The following ATP9B variants were observed in gnomAD, a reference collection of about 807,000 sequenced individuals.
ATP9B encodes the protein probable phospholipid-transporting ATPase IIB.
A neutral mutation model predicts 146.1 loss-of-function variants in ATP9B; 110 were observed. That is an observed-to-expected ratio of 0.75 (90% CI 0.65 to 0.88). ATP9B has a LOEUF of 0.88. ATP9B is among the 40% of genes least tolerant of loss of function. The probability of loss-of-function intolerance (pLI) is 0.00; values close to 1 mark genes in which losing one functional copy is unlikely to be tolerated. For synonymous variants in ATP9B, 604 were observed against 569.7 expected (o/e 1.06, Z -0.86); for missense variants, 1,499 against 1,496.4 (o/e 1.00, Z -0.03).
intron 8 of ATP9B, among the ~76,000 whole-genome samples, chr18:79,192,438 C>A (rs549669125): frequency 6.6e-6 from 1 of 152,290 alleles, no homozygotes; most frequent in Admixed American, 6.5e-5. Context: ...TGATTTATGA[C>A]AGCAAAAGCA....
intron 11 of ATP9B, among the ~76,000 whole-genome samples, chr18:79,221,725 C>CA (rs1471409753): frequency 1.3e-5 from 2 of 151,888 alleles, no homozygotes; most frequent in Non-Finnish European, 2.9e-5. Flanking sequence ...TGTCTCAGAA[C>CA]AAACAAACAA....
At chr18:79,344,375 A>C in intron 21 of ATP9B, 21 bp downstream of exon 21, 2 of 1,604,786 alleles carry the variant, frequency 1.2e-6, no homozygotes, top group Non-Finnish European at 1.7e-6. Flanking sequence ...ACCCTGAGTG[A>C]GTACATGTCT....
intron 11 of ATP9B, among the ~76,000 whole-genome samples, chr18:79,247,182 T>TATTG (rs2095976221): frequency 6.6e-6 from 1 of 152,242 alleles, no homozygotes; most frequent in Non-Finnish European, 1.5e-5. Flanking sequence ...ACCTTTCATA[T>TATTG]ATTGATTTAC....
chr18:79,199,562 A>G (rs2095447008), intron 9 of ATP9B, among the ~76,000 whole-genome samples: 1 of 151,956 alleles, frequency 6.6e-6, no homozygotes, highest in Non-Finnish European at 1.5e-5. Context: ...GAGATTGAGG[A>G]GACCATCCTG....
At chr18:79,154,707 G>A in intron 7 of ATP9B, 152 bp downstream of exon 7, 2 of 470,106 alleles carry the variant, frequency 4.3e-6, no homozygotes, top group Admixed American at 4.0e-5. Flanking sequence ...TACTTTGAAT[G>A]TAAACACATG....
chr18:79,104,635 G>A (rs920636871), intron 2 of ATP9B, among the ~76,000 whole-genome samples: 2 of 152,014 alleles, frequency 1.3e-5, no homozygotes, highest in Non-Finnish European at 2.9e-5. Flanking sequence ...TTTTCTTAAG[G>A]AAAATATTAA....
chr18:79,230,822 G>C (rs1195101102), intron 11 of ATP9B, among the ~76,000 whole-genome samples: 2 of 152,166 alleles, frequency 1.3e-5, no homozygotes, highest in Middle Eastern at 6.8e-3. Context: ...CAGGCATATA[G>C]ACCAATGGAA....
chr18:79,271,690 A>G (rs1275559791), intron 12 of ATP9B, among the ~76,000 whole-genome samples: 1 of 152,200 alleles, frequency 6.6e-6, no homozygotes, highest in Non-Finnish European at 1.5e-5. Context: ...ATAGTGCCGC[A>G]ATAAACATAC....
intron 11 of ATP9B, among the ~76,000 whole-genome samples, chr18:79,244,702 A>G (rs1030256062): frequency 1.3e-5 from 2 of 152,228 alleles, no homozygotes; most frequent in African/African-American, 4.8e-5. Context: ...TTTAAAATAA[A>G]GACTTGCTAC....
At chr18:79,235,425 T>C (rs1451651758) in intron 11 of ATP9B, among the ~76,000 whole-genome samples, 1 of 152,234 alleles carries the variant, frequency 6.6e-6, no homozygotes, top group Non-Finnish European at 1.5e-5. Flanking sequence ...ATAATACTTG[T>C]TTTCTGTGAC....
intron 12 of ATP9B, among the ~76,000 whole-genome samples, chr18:79,272,625 T>G (rs1375649724): frequency 1.3e-5 from 2 of 151,556 alleles, no homozygotes; most frequent in East Asian, 1.9e-4. Flanking sequence ...CTCCCTGAGC[T>G]CTCTCCACTG....
intron 11 of ATP9B, among the ~76,000 whole-genome samples, chr18:79,228,186 A>G (rs2095755030): frequency 6.6e-6 from 1 of 152,220 alleles, no homozygotes; most frequent in Admixed American, 6.5e-5. Context: ...TATCATCAGA[A>G]TATCTCAAAT....
chr18:79,262,628 T>C (rs1451059834), intron 12 of ATP9B, among the ~76,000 whole-genome samples: 3 of 152,242 alleles, frequency 2.0e-5, no homozygotes, highest in African/African-American at 7.2e-5. Context: ...TTAAGGTCAG[T>C]GGAGATGCTG....
chr18:79,200,779 A>AGGCGGAGGTGGGGACTGTCAGGGTCAG (rs2095475928), intron 9 of ATP9B, among the ~76,000 whole-genome samples: 2 of 28,516 alleles, frequency 7.0e-5, no homozygotes, highest in African/African-American at 1.4e-4. Context: ...GTCAGAGCAG[A>AGGCGGAGGTGGGGACTGTCAGGGTCAG]AGTAGTGGTG....
chr18:79,110,585 G>C (rs1336959676), intron 3 of ATP9B, 80 bp downstream of exon 3: 1 of 1,376,690 alleles, frequency 7.3e-7, no homozygotes, highest in Non-Finnish European at 9.8e-7. Flanking sequence ...AGCCTGTTGA[G>C]ACTCTGACTT....
intron 14 of ATP9B, 69 bp downstream of exon 14, chr18:79,303,785 C>T (rs2096606313): frequency 4.5e-6 from 5 of 1,103,632 alleles, no homozygotes; most frequent in East Asian, 4.8e-5. Context: ...AGCTGAGCCT[C>T]GTGTGTTCCC....
intron 11 of ATP9B, among the ~76,000 whole-genome samples, chr18:79,214,998 A>T (rs2095614066): frequency 6.6e-6 from 1 of 152,060 alleles, no homozygotes; most frequent in South Asian, 2.1e-4. Flanking sequence ...AAATACAAAA[A>T]TTAGCTGGGC....
intron 8 of ATP9B, among the ~76,000 whole-genome samples, chr18:79,190,543 CACATAT>C (rs778419639): frequency 0.048 from 6,899 of 144,304 alleles, 222 homozygotes; most frequent in Non-Finnish European, 0.069. Context: ...CACACACACA[CACATAT>C]ACATATATTT....
chr18:79,275,007 C>G (rs116417896), intron 12 of ATP9B, among the ~76,000 whole-genome samples: 2,327 of 152,336 alleles, frequency 0.015, 64 homozygotes, highest in African/African-American at 0.054. Context: ...CAGTGGCCAA[C>G]TGCAAGCTCT....
Sources: gnomAD v4.1 joint callset for allele counts (sites outside exome capture counted in the v4.1 genomes callset) on GRCh38, gnomAD v4.1.1 for gene constraint, MANE v1.5 for transcripts, NCBI Gene and HGNC (gene_info 2026-07-23, HGNC 2026-07-21) for gene names.